Variants in REC114 observed in about 807,000 individuals in gnomAD.
The protein encoded by REC114 is meiotic recombination protein REC114.
Under a neutral mutation model 31.3 loss-of-function variants are expected in REC114, and 27 were observed. That is an observed-to-expected ratio of 0.86 (90% CI 0.64 to 1.19). The LOEUF (loss-of-function observed/expected upper bound fraction) is 1.19, where lower values mean the gene tolerates loss of function less well. Ranked by LOEUF, REC114 falls within the 50% of genes most tolerant of loss-of-function variation. The probability of loss-of-function intolerance (pLI) is 0.00; values close to 1 mark genes in which losing one functional copy is unlikely to be tolerated. For synonymous variants in REC114, 134 were observed against 127.7 expected (o/e 1.05, Z -0.33); for missense variants, 344 against 326.9 (o/e 1.05, Z -0.40).
At chr15:73,536,127 A>T (rs1457996476) in intron 2 of REC114, among the ~76,000 whole-genome samples, 2 of 152,138 alleles carry the variant, frequency 1.3e-5, no homozygotes, top group African/African-American at 4.8e-5. Context: ...CAAGGACTTC[A>T]TGTCTAAAAC....
intron 3 of REC114, among the ~76,000 whole-genome samples, chr15:73,550,171 C>T (rs1197104380): frequency 6.6e-6 from 1 of 151,962 alleles, no homozygotes; most frequent in Non-Finnish European, 1.5e-5. Context: ...GAGTAGTAGA[C>T]TAGAAAAAAG....
chr15:73,464,352 T>C (rs1490794751), intron 1 of REC114, among the ~76,000 whole-genome samples: 1 of 151,914 alleles, frequency 6.6e-6, no homozygotes, highest in Non-Finnish European at 1.5e-5. Context: ...GAAATATATA[T>C]TTATTATTAT....
chr15:73,468,366 A>T (rs374889863), intron 1 of REC114, among the ~76,000 whole-genome samples: 29 of 152,230 alleles, frequency 1.9e-4, no homozygotes, highest in African/African-American at 6.7e-4. Context: ...TGCTTTTAAA[A>T]TTTCAGGTTC....
intron 1 of REC114, among the ~76,000 whole-genome samples, chr15:73,473,075 G>A (rs1363988947): frequency 6.6e-6 from 1 of 152,122 alleles, no homozygotes. Flanking sequence ...CCAAAGGAAA[G>A]CACCAGATGT....
intron 5 of REC114, 47 bp downstream of exon 5, chr15:73,556,438 A>C (rs1441363244): frequency 3.4e-6 from 5 of 1,485,410 alleles, no homozygotes; most frequent in Non-Finnish European, 4.6e-6. Flanking sequence ...AGAAGCAGTG[A>C]CCCCTAAGAA....
intron 2 of REC114, among the ~76,000 whole-genome samples, chr15:73,489,839 T>C (rs1320783877): frequency 2.0e-5 from 3 of 152,134 alleles, no homozygotes; most frequent in Admixed American, 6.5e-5. Flanking sequence ...TTCCAAACTC[T>C]AACAACAGTG....
At chr15:73,495,795 C>A (rs887206506) in intron 2 of REC114, among the ~76,000 whole-genome samples, 2 of 151,898 alleles carry the variant, frequency 1.3e-5, no homozygotes, top group Non-Finnish European at 2.9e-5. Context: ...AGTAAATCTT[C>A]TTATTGTTGG....
chr15:73,485,019 A>G (rs1041175192), intron 2 of REC114, among the ~76,000 whole-genome samples: 3 of 152,238 alleles, frequency 2.0e-5, no homozygotes, highest in Non-Finnish European at 4.4e-5. Flanking sequence ...AAGCAGTCTT[A>G]ACTACAGAAT....
intron 1 of REC114, among the ~76,000 whole-genome samples, chr15:73,472,444 C>A (rs1057321002): frequency 6.6e-6 from 1 of 152,204 alleles, no homozygotes; most frequent in Admixed American, 6.5e-5. Context: ...CAGTAGAAAT[C>A]TTGGATTTAA....
chr15:73,492,769 A>G (rs1339422886), intron 2 of REC114, among the ~76,000 whole-genome samples: 2 of 152,178 alleles, frequency 1.3e-5, no homozygotes, highest in African/African-American at 4.8e-5. Context: ...CAAATAATGC[A>G]TGAGAGTTCT....
intron 5 of REC114, among the ~76,000 whole-genome samples, chr15:73,558,458 T>A (rs550955836): frequency 8.5e-5 from 13 of 152,170 alleles, no homozygotes; most frequent in Non-Finnish European, 1.9e-4. Context: ...ATTTGAACTC[T>A]CCTAATATTT....
At chr15:73,450,923 T>G (rs1892837291) in intron 1 of REC114, among the ~76,000 whole-genome samples, 1 of 152,200 alleles carries the variant, frequency 6.6e-6, no homozygotes, top group Non-Finnish European at 1.5e-5. Context: ...AATAAAGATG[T>G]TCTTTGAAAG....
intron 2 of REC114, among the ~76,000 whole-genome samples, chr15:73,518,488 G>A (rs1413021036): frequency 1.3e-5 from 2 of 152,184 alleles, no homozygotes; most frequent in Admixed American, 1.3e-4. Context: ...TCTAGCAGGA[G>A]TCCCAGGATT....
chr15:73,538,285 C>G (rs571523783), intron 2 of REC114, among the ~76,000 whole-genome samples: 1 of 152,080 alleles, frequency 6.6e-6, no homozygotes, highest in African/African-American at 2.4e-5. Context: ...AAAAAAAATG[C>G]AAACTGTCTC....
intron 1 of REC114, among the ~76,000 whole-genome samples, chr15:73,457,065 CTTTTTTTTTTT>C: frequency 1.5e-5 from 1 of 68,002 alleles, no homozygotes; most frequent in South Asian, 4.4e-4. Flanking sequence ...TATTTCTGAG[CTTTTTTTTTTT>C]TTTTTTTTTT....
chr15:73,552,393 G>T (rs1367859316), intron 4 of REC114, among the ~76,000 whole-genome samples: 1 of 152,154 alleles, frequency 6.6e-6, no homozygotes, highest in East Asian at 1.9e-4. Flanking sequence ...AAAGAGATTT[G>T]CAAAAATCAT....
chr15:73,541,576 G>A (rs1894237371), intron 3 of REC114, among the ~76,000 whole-genome samples: 1 of 152,156 alleles, frequency 6.6e-6, no homozygotes, highest in South Asian at 2.1e-4. Context: ...GTTCTGAGAA[G>A]GGGTCCACTG....
intron 2 of REC114, among the ~76,000 whole-genome samples, chr15:73,503,654 T>C (rs1324126499): frequency 1.3e-5 from 2 of 152,194 alleles, no homozygotes; most frequent in Admixed American, 1.3e-4. Context: ...AGATGTGAAA[T>C]GGGATCTCAT....
Position 73,557,524 on chromosome 15 carries a change from A to G in REC114, c.636+1133A>G, listed in dbSNP as rs559052612. The stretch of plus-strand genomic sequence containing the variant: ...AAAAAACTCAAGAGGTAGGAAGACT[A>G]AGAATTCATGTTTATTTCTTTTAAT... On this transcript the variant is annotated intron_variant, in intron 5 of 5. Coordinates refer to ENST00000331090, the MANE Select transcript of REC114 (RefSeq NM_001042367.2). Among the ~76,000 whole-genome samples, 11 of 152,314 alleles carry G rather than the reference A, an allele frequency of 7.2e-5. No homozygotes were observed. The East Asian group carries it at 1.2e-3, about 16-fold the overall frequency.
Sources: allele counts gnomAD v4.1 joint callset (sites outside exome capture counted in the v4.1 genomes callset), GRCh38; gene constraint gnomAD v4.1.1; transcripts MANE v1.5; gene names NCBI Gene and HGNC (gene_info 2026-07-23, HGNC 2026-07-21).